WT1: variants seen among roughly 807,000 people sequenced by gnomAD.
The protein encoded by WT1 is Wilms tumor protein.
Under a neutral mutation model 60.8 loss-of-function variants are expected in WT1, and 8 were observed. That is an observed-to-expected ratio of 0.13 (90% CI 0.08 to 0.24). The LOEUF is 0.24. WT1 is among the 10% of genes least tolerant of loss of function. WT1 has a pLI of 1.00. For missense variants in WT1, 568 were observed against 711.8 expected (o/e 0.80, Z 2.30); for synonymous variants, 312 against 297.1 (o/e 1.05, Z -0.52).
intron 5 of WT1, among the ~76,000 whole-genome samples, chr11:32,403,721 C>T (rs1467799511): frequency 6.6e-6 from 1 of 151,748 alleles, no homozygotes. Context: ...AATGCAGGCA[C>T]CCGCCACCAC....
chr11:32,430,137 CACCACACACTGGGG>C (rs1853229430), intron 1 of WT1, among the ~76,000 whole-genome samples: 2 of 152,156 alleles, frequency 1.3e-5, no homozygotes, highest in Admixed American at 1.3e-4. Context: ...CACTGCTCAG[CACCACACACTGGGG>C]ATTTGAGAAG....
rs762325377 is a variant in WT1 at position 32,417,635 on chromosome 11, T to C, written c.907A>G (p.Thr303Ala). ...CAGGTCATGCATTCAAGCTGGGATG[T>C]CATTTGGTATAAATTGTCACTGTTA... Residue 303 changes from threonine (T) to alanine (A), a missense_variant, in exon 4 of 10, where the codon ACA (threonine) becomes GCA (alanine). By Grantham distance (58) the Thr-to-Ala change is moderately conservative. Around this residue, in one of 3 missense-constraint regions of WT1, gnomAD observed 523 missense variants for 565.1 expected, o/e 0.93. Coordinates refer to ENST00000452863, the MANE Select transcript of WT1 (RefSeq NM_024426.6). 3 of 1,613,982 alleles carry C rather than the reference T, an allele frequency of 1.9e-6. No individual in the cohort carries two copies. The highest frequency in any genetic ancestry group is 2.5e-6 in the Non-Finnish European group (3 of 1,179,950).
chr11:32,434,834 G>A lies in WT1; in HGVS notation c.527C>T (p.Thr176Ile), dbSNP rs1853442157. ...GGGCCCGTAGCGACAGGCTCCGGCT[G>A]TGCCAGTGAACTGGCCGGAAAAGTG... The change falls in exon 1 of 10, where the codon ACA becomes ATA. Residue 176 changes from threonine (T) to isoleucine (I), a missense_variant. By Grantham distance (89) the Thr-to-Ile change is moderately conservative. Transcript: ENST00000452863. The A allele has an allele frequency of 6.2e-7, 1 of 1,612,476 alleles. No homozygotes were observed. Among genetic ancestry groups the A allele is most frequent in the Non-Finnish European group, 8.5e-7 (1 of 1,179,790 alleles).
chr11:32,429,571 TG>T (rs1337700158), intron 1 of WT1, among the ~76,000 whole-genome samples: 1 of 150,876 alleles, frequency 6.6e-6, no homozygotes, highest in African/African-American at 2.4e-5. Context: ...CACAAGCTTC[TG>T]GAAAGCTGTT....
intron 6 of WT1, among the ~76,000 whole-genome samples, chr11:32,397,320 GT>G (rs1313627128): frequency 6.6e-6 from 1 of 151,830 alleles, no homozygotes; most frequent in African/African-American, 2.4e-5. Flanking sequence ...CCATGTTTTG[GT>G]TTTGTTTGTT....
intron 5 of WT1, among the ~76,000 whole-genome samples, chr11:32,407,564 CT>C (rs1402200820): frequency 7.9e-5 from 12 of 152,162 alleles, no homozygotes; most frequent in Non-Finnish European, 1.5e-5. Flanking sequence ...GTCTTCTCCC[CT>C]CTGCAGAGTT....
At chr11:32,411,155 T>A (rs974453273) in intron 5 of WT1, among the ~76,000 whole-genome samples, 14 of 151,960 alleles carry the variant, frequency 9.2e-5, no homozygotes, top group Admixed American at 9.2e-4. Context: ...GTTTCTCATT[T>A]CCAACTTGGC....
At chr11:32,429,471 C>A (rs980259029) in intron 1 of WT1, among the ~76,000 whole-genome samples, 1 of 148,626 alleles carries the variant, frequency 6.7e-6, no homozygotes, top group Admixed American at 6.7e-5. Context: ...TTCCCCCCCC[C>A]CCCCAAAGTG....
rs558395280 is a variant in WT1 at position 32,403,360 on chromosome 11, A to G, written c.1017-3316T>C. Among the ~76,000 whole-genome samples the G allele has an allele frequency of 6.6e-5, 10 of 152,292 alleles. No individual in the cohort carries two copies. In the South Asian group the frequency reaches 2.1e-3, roughly 32 times the overall value. On this transcript the variant is annotated intron_variant, in intron 5 of 9. Transcript: ENST00000452863. ...TAAAAAGCAACTCGGTCTGGGAACCATAGACTAATAGAGATAGAAAGGATC... is the reference window on the plus strand; with the variant it reads ...TAAAAAGCAACTCGGTCTGGGAACCGTAGACTAATAGAGATAGAAAGGATC...
rs997224171 is a variant in WT1 at position 32,434,887 on chromosome 11, C to T, written c.474G>A (p.Glu158=). ...CAGTGAAGGCGCTCAGGCACTGCTC[C>T]TCGTGCGGCTCCGCGCCGCCCCAGC... Residue 158 remains glutamate (E), a synonymous_variant, in exon 1 of 10, where the codon GAG becomes GAA. Transcript: ENST00000452863. 6.2e-7 allele frequency: 1 copy of T among 1,612,092 alleles called. No individual in the cohort carries two copies. The highest frequency in any genetic ancestry group is 8.5e-7 in the Non-Finnish European group (1 of 1,179,740).
At chr11:32,392,538 G>T in intron 8 of WT1, 128 bp downstream of exon 8, 1 of 919,286 alleles carries the variant, frequency 1.1e-6, no homozygotes, top group Non-Finnish European at 1.8e-6. Flanking sequence ...AGATTATGGG[G>T]GGAAAATACT....
At chr11:32,392,162 C>T in intron 8 of WT1, 98 bp from the exon 9 acceptor site, 1 of 1,025,672 alleles carries the variant, frequency 9.7e-7, no homozygotes, top group Non-Finnish European at 1.5e-6. Context: ...CCAGCATTTC[C>T]TGCCATGCCT....
At chr11:32,391,928 T>C (rs1021601119) in intron 9 of WT1, 44 bp downstream of exon 9, 1 of 1,580,422 alleles carries the variant, frequency 6.3e-7, no homozygotes, top group Admixed American at 1.7e-5. Context: ...CCACAATAGT[T>C]TAAAAAAATA....
intron 5 of WT1, among the ~76,000 whole-genome samples, chr11:32,402,115 T>C (rs565659985): frequency 1.3e-5 from 2 of 152,292 alleles, no homozygotes; most frequent in Non-Finnish European, 2.9e-5. Context: ...ACAGAAGCTG[T>C]AGGGTTTCAC....
intron 5 of WT1, among the ~76,000 whole-genome samples, chr11:32,402,608 C>T (rs780443025): frequency 2.6e-5 from 4 of 152,176 alleles, no homozygotes; most frequent in African/African-American, 7.2e-5. Flanking sequence ...TGTAGTGGTG[C>T]GATCATAGCT....
At chr11:32,397,177 T>C (rs903465955) in intron 6 of WT1, among the ~76,000 whole-genome samples, 1 of 152,204 alleles carries the variant, frequency 6.6e-6, no homozygotes, top group Non-Finnish European at 1.5e-5. Flanking sequence ...CAAGCTCCCC[T>C]TCCTCTTCTT....
chr11:32,429,420 T>G (rs1853187154), intron 1 of WT1, among the ~76,000 whole-genome samples: 1 of 151,464 alleles, frequency 6.6e-6, no homozygotes, highest in South Asian at 2.1e-4. Context: ...TGGTAGTGCT[T>G]CGGTCCTTTG....
In WT1 at chr11:32,400,063, G is replaced by A. The variant is rs1398407708; in HGVS notation, c.1017-19C>T. ...GCTGTGGCTGCAAACACAAAGAAGGGAAAAAGGCTCAGTGTGGCTCACAGT... is the reference window on the plus strand; with the variant it reads ...GCTGTGGCTGCAAACACAAAGAAGGAAAAAAGGCTCAGTGTGGCTCACAGT... On this transcript the variant is annotated intron_variant, in intron 5 of 9. Coordinates refer to ENST00000452863, the MANE Select transcript of WT1 (RefSeq NM_024426.6). 13 of 1,613,656 alleles carry A rather than the reference G, an allele frequency of 8.1e-6. No individual in the cohort carries two copies. In the East Asian group the frequency reaches 2.7e-4, roughly 33 times the overall value.
At chr11:32,405,821 G>A (rs565172348) in intron 5 of WT1, among the ~76,000 whole-genome samples, 6 of 152,310 alleles carry the variant, frequency 3.9e-5, no homozygotes, top group Admixed American at 2.6e-4. Flanking sequence ...GAGACATTGC[G>A]TTATTTGCCC....
Sources: allele counts gnomAD v4.1 joint callset (sites outside exome capture counted in the v4.1 genomes callset), GRCh38; gene constraint gnomAD v4.1.1; regional missense constraint gnomAD v4.1.1; transcripts MANE v1.5; gene names NCBI Gene and HGNC (gene_info 2026-07-23, HGNC 2026-07-21).